The following SPTBN4 variants were observed in gnomAD, a reference collection of about 807,000 sequenced individuals.
SPTBN4 encodes spectrin beta, non-erythrocytic 4.
SPTBN4 carries 96 observed loss-of-function variants against 277.8 expected under a neutral mutation model. The ratio of observed to expected loss-of-function variants is 0.35; its 90% CI spans 0.29 to 0.41. SPTBN4 has a LOEUF of 0.41. Among genes scored for constraint, SPTBN4 ranks in the 10% least tolerant of loss-of-function variants. SPTBN4 has a pLI of 1.00. For missense variants in SPTBN4, 3,006 were observed against 3,595.7 expected, an observed-to-expected ratio of 0.84 and a Z score of 4.19; for synonymous variants, 1,481 against 1,580.3, an observed-to-expected ratio of 0.94 and a Z score of 1.49.
intron 17 of SPTBN4, among the ~76,000 whole-genome samples, chr19:40,526,562 A>G (rs62107054): frequency 0.48 from 73,469 of 151,832 alleles, 18,742 homozygotes; most frequent in Non-Finnish European, 0.57. Context: ...GCCACAGCCT[A>G]GATTTGAACC....
In SPTBN4 at chr19:40,513,086, A is replaced by G; in HGVS notation, c.2297A>G (p.Glu766Gly). Reference sequence around the variant, plus strand: ...CTGGAAGAGGCGGCGGCGCGGCGAGAGCGGCGGCTGCAGGAGGCGCGGGCG... The same window carrying G: ...CTGGAAGAGGCGGCGGCGCGGCGAGGGCGGCGGCTGCAGGAGGCGCGGGCG... ...QRLEEAAARR[E>G]RRLQEARALH... Residue 766 changes from glutamate (E) to glycine (G), a missense_variant, in exon 14 of 36, where the codon GAG becomes GGG. Physicochemically the swap from Glu to Gly is moderately conservative, Grantham distance 98. This residue lies in a region of SPTBN4 where 1,759 missense variants were observed against 2,061.5 expected (regional missense o/e 0.85). Transcript: ENST00000598249. 1 of 1,416,114 alleles carries G rather than the reference A, an allele frequency of 7.1e-7. No individual in the cohort carries two copies. Among genetic ancestry groups the G allele is most frequent in the South Asian group, 1.5e-5 (1 of 68,164 alleles). 87.7% of individuals were successfully genotyped at this position (1,416,114 alleles called of 1,614,324 possible). A position where few individuals can be genotyped will look rare whatever the true frequency, so the allele number is the denominator to read the frequency against.
In SPTBN4 at chr19:40,512,944, C is replaced by T. The variant is rs1426298896; in HGVS notation, c.2155C>T (p.Leu719=). The change falls in exon 14 of 36, where the codon CTG becomes TTG. Residue 719 remains leucine, a synonymous_variant. Transcript: ENST00000598249. ...GGRRALLQQA[L]RCGEELVAAG... is the part of the protein sequence containing the mutation. ...GCGGCGAGCGTTGCTGCAGCAGGCC[C>T]TGCGGTGTGGCGAGGAGCTGGTTGC... The T allele has an allele frequency of 7.0e-7, 1 of 1,419,920 alleles. No individual in the cohort carries two copies. The highest frequency in any genetic ancestry group is 9.1e-7 in the Non-Finnish European group (1 of 1,098,136). 88.0% of individuals were successfully genotyped at this position (1,419,920 alleles called of 1,614,324 possible).
Position 40,519,713 on chromosome 19 carries a change from G to A in SPTBN4, c.3216G>A (p.Ala1072=), listed in dbSNP as rs902783665. ...AGGAGCTGGGCGCCGAGTGGGGCGCGCTAGCTAGCGCGGCTCAGGCCTGCG... is the reference window on the plus strand; with the variant it reads ...AGGAGCTGGGCGCCGAGTGGGGCGCACTAGCTAGCGCGGCTCAGGCCTGCG... ...GAEELGAEWG[A]LASAAQACGE... The change falls in exon 16 of 36, where the codon GCG becomes GCA. Residue 1072 remains alanine, a synonymous_variant. Transcript: ENST00000598249. The surrounding 1 kb of genome is among the most constrained non-coding windows in gnomAD (Gnocchi z 5.7). 4.9e-5 allele frequency: 68 copies of A among 1,389,994 alleles called. No homozygotes were observed. The highest frequency in any genetic ancestry group is 6.1e-5 in the Non-Finnish European group (66 of 1,083,666). 86.1% of individuals were successfully genotyped at this position (1,389,994 alleles called of 1,614,324 possible).
At position 40,554,904 on chromosome 19, in the gene SPTBN4, T is replaced by G. The variant is rs544159103; in HGVS notation, c.5084+258T>G. Reference sequence around the variant, plus strand: ...TGTCGGGGGAGAAAAGAGTAGGCGATGTCTAGGACTGGGGTAGAGAAGAAT... The same window carrying G: ...TGTCGGGGGAGAAAAGAGTAGGCGAGGTCTAGGACTGGGGTAGAGAAGAAT... On this transcript the variant is annotated intron_variant, in intron 24 of 35. Transcript: ENST00000598249. The surrounding 1 kb of genome is among the most constrained non-coding windows in gnomAD (Gnocchi z 5.7). 2.2e-6 allele frequency: 1 copy of G among 457,752 alleles called. No homozygotes were observed. Among genetic ancestry groups the G allele is most frequent in the East Asian group, 4.4e-5 (1 of 22,520 alleles). 28.4% of individuals were successfully genotyped at this position (457,752 alleles called of 1,614,324 possible). A position where few individuals can be genotyped will look rare whatever the true frequency, so the allele number is the denominator to read the frequency against.
Position 40,554,133 on chromosome 19 carries a change from C to A in SPTBN4, c.4675-14C>A. On this transcript the variant is annotated splice_polypyrimidine_tract_variant and intron_variant, in intron 22 of 35. Coordinates refer to ENST00000598249, the MANE Select transcript of SPTBN4 (RefSeq NM_020971.3). The surrounding 1 kb of genome is among the most constrained non-coding windows in gnomAD (Gnocchi z 5.7). The stretch of plus-strand genomic sequence containing the variant: ...CCCCCTCTCCACCCACATCCCCTTA[C>A]CTCCTGCCCCCAGGGCCTGCGGCGG... The A allele has an allele frequency of 7.0e-7, 1 of 1,433,536 alleles. No homozygotes were observed. The highest frequency in any genetic ancestry group is 9.0e-7 in the Non-Finnish European group (1 of 1,109,126). 88.8% of individuals were successfully genotyped at this position (1,433,536 alleles called of 1,614,324 possible).
intron 2 of SPTBN4, among the ~76,000 whole-genome samples, chr19:40,475,311 C>T (rs943160439): frequency 1.3e-5 from 2 of 151,298 alleles, no homozygotes; most frequent in African/African-American, 4.8e-5. Flanking sequence ...AAACACGGAG[C>T]GCTAGAATCA....
At chr19:40,557,858 C>T (rs1384305976) in intron 26 of SPTBN4, among the ~76,000 whole-genome samples, 2 of 138,024 alleles carry the variant, frequency 1.4e-5, no homozygotes, top group African/African-American at 5.5e-5. Context: ...GAGGAGGTTG[C>T]AGTGAGCCCA....
chr19:40,532,729 C>T lies in SPTBN4; in HGVS notation c.4053C>T (p.Ala1351=), dbSNP rs770193901. 21 of 1,613,266 alleles carry T rather than the reference C, an allele frequency of 1.3e-5. No homozygotes were observed. The highest frequency in any genetic ancestry group is 5.3e-5 in the African/African-American group (4 of 74,868). ...GGCTCCGGCACCAGGCATTCATGGC[C>T]GAGCTGGCTCAGAATAAGGAGTGGC... The part of the protein sequence containing the change: ...KRWLRHQAFM[A]ELAQNKEWLE... The change falls in exon 19 of 36, where the codon GCC becomes GCT. Residue 1351 remains alanine, a synonymous_variant. Coordinates refer to ENST00000598249, the MANE Select transcript of SPTBN4 (RefSeq NM_020971.3).
intron 1 of SPTBN4, among the ~76,000 whole-genome samples, chr19:40,471,570 C>CATT (rs985300582): frequency 6.6e-5 from 10 of 151,980 alleles, no homozygotes; most frequent in South Asian, 4.2e-4. Flanking sequence ...TGAGGGTGAA[C>CATT]ATTATTATTA....
rs572225952 is a variant in SPTBN4 at position 40,571,754 on chromosome 19, C to T, written c.7320-265C>T. 4 of 359,794 alleles carry T rather than the reference C, an allele frequency of 1.1e-5. No individual in the cohort carries two copies. The South Asian group carries it at 2.6e-4, about 23-fold the overall frequency. 22.3% of individuals were successfully genotyped at this position (359,794 alleles called of 1,614,324 possible). On this transcript the variant is annotated intron_variant, in intron 33 of 35. Transcript: ENST00000598249. The stretch of plus-strand genomic sequence containing the variant: ...GGCTTATGGAGGAGACAGCTTAAGA[C>T]TTACCTTCAGGAAATTCAGTATGGG...
rs772813414 is a variant in SPTBN4, at chr19:40,557,918, CAAAAAAA to C, written c.5670+531_5670+537del. ...ATGTGACAAGAGTGATACTCTGTCT[CAAAAAAA>C]AAAAAAAAAAAAAAAGCTTCCAATA... On this transcript the variant is annotated intron_variant, in intron 26 of 35. Coordinates refer to ENST00000598249, the MANE Select transcript of SPTBN4 (RefSeq NM_020971.3). Among the ~76,000 whole-genome samples, 32 of 44,342 alleles carry C rather than the reference CAAAAAAA, an allele frequency of 7.2e-4. 2 individuals carry two copies. Among genetic ancestry groups the C allele is most frequent in the Admixed American group, 4.4e-3 (20 of 4,564 alleles). The allele number at this position is 44,342 out of a possible 152,430, so 29.1% of individuals were successfully genotyped here.
rs766317460 is a variant in SPTBN4, at chr19:40,519,906, G to A, written c.3409G>A (p.Glu1137Lys). ...ALLARHAALKEEVDQREEDYA... is the reference protein window; with the variant it reads ...ALLARHAALKKEVDQREEDYA... ...GCTGGCGCGCCACGCTGCGCTCAAG[G>A]AGGAGGTGGACCAGCGCGAGGAAGA... Residue 1137 changes from glutamate (E) to lysine (K), a missense_variant, in exon 16 of 36, where the codon GAG becomes AAG. By Grantham distance (56) the Glu-to-Lys change is moderately conservative. Transcript: ENST00000598249. This position sits in a 1 kb window ranked among gnomAD's most constrained non-coding sequence, Gnocchi z 5.7. 1.3e-6 allele frequency: 2 copies of A among 1,549,416 alleles called. No individual in the cohort carries two copies. The highest frequency in any genetic ancestry group is 1.7e-6 in the Non-Finnish European group (2 of 1,155,678).
intron 2 of SPTBN4, among the ~76,000 whole-genome samples, chr19:40,477,482 C>G (rs899765959): frequency 6.6e-5 from 10 of 152,076 alleles, no homozygotes; most frequent in Admixed American, 4.6e-4. Context: ...GAGAGAGATC[C>G]GGTTAGACAA....
intron 1 of SPTBN4, among the ~76,000 whole-genome samples, chr19:40,468,359 C>T (rs1203688691): frequency 1.3e-5 from 2 of 152,120 alleles, no homozygotes; most frequent in African/African-American, 2.4e-5. Flanking sequence ...GGATTATAGG[C>T]GTGAGCCACC....
At chr19:40,532,551 G>T in intron 18 of SPTBN4, 74 bp from the exon 19 acceptor site, 8 of 1,543,984 alleles carry the variant, frequency 5.2e-6, no homozygotes, top group Non-Finnish European at 7.0e-6. Flanking sequence ...CCTGAACCTG[G>T]GACTTCCTGA....
intron 18 of SPTBN4, 53 bp downstream of exon 18, chr19:40,529,184 A>C: frequency 6.5e-7 from 1 of 1,533,854 alleles, no homozygotes. Context: ...GTCGGGAGGG[A>C]AGTGCTTCTC....
chr19:40,521,725 C>A (rs972209568), intron 16 of SPTBN4, among the ~76,000 whole-genome samples: 2 of 152,172 alleles, frequency 1.3e-5, no homozygotes, highest in African/African-American at 4.8e-5. Flanking sequence ...AAATCCTGAT[C>A]TAGGGAGTGG....
In SPTBN4 at chr19:40,504,152, G is replaced by GGGGGGGGGGA; in HGVS notation, c.1665+20_1665+21insGGGGGGGGGA. 1 of 877,206 alleles carries GGGGGGGGGGA rather than the reference G, an allele frequency of 1.1e-6. No individual in the cohort carries two copies. The highest frequency in any genetic ancestry group is 1.8e-6 in the Non-Finnish European group (1 of 566,484). 54.3% of individuals were successfully genotyped at this position (877,206 alleles called of 1,614,324 possible). A position where few individuals can be genotyped will look rare whatever the true frequency, so the allele number is the denominator to read the frequency against. On this transcript the variant is annotated intron_variant, in intron 12 of 35. Transcript: ENST00000598249. ...ATGCAGGTGCCGGCGGGGGGGCGGG[G>GGGGGGGGGGA]ATGCGGGTGGAGTGCCAGGAGGGAG...
intron 2 of SPTBN4, among the ~76,000 whole-genome samples, chr19:40,474,432 A>ATT (rs1166054943): frequency 6.0e-5 from 8 of 132,716 alleles, no homozygotes; most frequent in Admixed American, 7.7e-5. Flanking sequence ...TCACCCTACC[A>ATT]TTTTTTTTTT....
Sources: gnomAD v4.1 joint callset for allele counts (sites outside exome capture counted in the v4.1 genomes callset) on GRCh38, gnomAD v4.1.1 for gene constraint, gnomAD v4.1.1 regional missense constraint, Gnocchi (gnomAD v3.1) non-coding constraint, MANE v1.5 for transcripts, NCBI Gene and HGNC (gene_info 2026-07-23, HGNC 2026-07-21) for gene names.